BARD1: variants seen among roughly 807,000 people sequenced by gnomAD.
The protein encoded by BARD1 is BRCA1 associated RING domain 1, also known as BRCA1-associated RING domain protein 1.
Under a neutral mutation model 77.0 loss-of-function variants are expected in BARD1, and 73 were observed. That is an observed-to-expected ratio of 0.95 (90% CI 0.79 to 1.15). The LOEUF is 1.15. Among genes scored for constraint, BARD1 ranks in the 50% most tolerant of loss-of-function variants. The pLI is 0.00. For synonymous variants in BARD1, 384 were observed against 338.0 expected, an observed-to-expected ratio of 1.14 and a Z score of -1.49; for missense variants, 993 against 938.8, an observed-to-expected ratio of 1.06 and a Z score of -0.75.
chr2:214,769,730 G>A (rs1373528721), intron 4 of BARD1, among the ~76,000 whole-genome samples: 1 of 152,150 alleles, frequency 6.6e-6, no homozygotes, highest in Non-Finnish European at 1.5e-5. Context: ...CACAGAGCAA[G>A]ACTCCGTCTC....
intron 4 of BARD1, among the ~76,000 whole-genome samples, chr2:214,779,475 A>G (rs2106105140): frequency 6.6e-6 from 1 of 152,324 alleles, no homozygotes; most frequent in Admixed American, 6.5e-5. Flanking sequence ...ATAAACATAG[A>G]ATGCACAGAT....
At chr2:214,797,656 A>C (rs931483670) in intron 1 of BARD1, among the ~76,000 whole-genome samples, 1 of 152,316 alleles carries the variant, frequency 6.6e-6, no homozygotes, top group Admixed American at 6.5e-5. Context: ...TTTGACCGTA[A>C]GAATCCAAGG....
At position 214,786,262 on chromosome 2, in the gene BARD1, G is replaced by A. The variant is rs892997496; in HGVS notation, c.365-4753C>T. On this transcript the variant is annotated intron_variant, in intron 3 of 10. Transcript: ENST00000260947. ...TACAACATTATTTTCATTTTCTTAC[G>A]TTTTGGGGAATAAATTTCTTTTCAA... 1.1e-4 allele frequency among the ~76,000 whole-genome samples: 16 copies of A among 150,848 alleles called. 1 individual carries two copies. Among genetic ancestry groups the A allele is most frequent in the African/African-American group, 3.0e-4 (12 of 40,398 alleles).
intron 9 of BARD1, among the ~76,000 whole-genome samples, chr2:214,742,665 C>T (rs1226510677): frequency 3.3e-5 from 5 of 152,066 alleles, no homozygotes; most frequent in African/African-American, 7.2e-5. Flanking sequence ...AAAAACGACA[C>T]GGCCAAGATA....
intron 1 of BARD1, among the ~76,000 whole-genome samples, chr2:214,808,878 C>A (rs1165520452): frequency 6.6e-6 from 1 of 152,230 alleles, no homozygotes; most frequent in Non-Finnish European, 1.5e-5. Flanking sequence ...CAATCTACAA[C>A]TATGGTAGAT....
At chr2:214,799,284 G>A (rs1201742342) in intron 1 of BARD1, among the ~76,000 whole-genome samples, 1 of 152,090 alleles carries the variant, frequency 6.6e-6, no homozygotes, top group African/African-American at 2.4e-5. Context: ...CTGAGTGACA[G>A]AGCCAGACTC....
intron 10 of BARD1, among the ~76,000 whole-genome samples, chr2:214,729,993 T>C (rs1000874859): frequency 6.6e-6 from 1 of 152,182 alleles, no homozygotes; most frequent in African/African-American, 2.4e-5. Context: ...GTTTCATAAT[T>C]CCCTTCTATG....
rs977233920 is a variant in BARD1, at chr2:214,740,026, T to C, written c.1903+5041A>G. Among the ~76,000 whole-genome samples, 35 of 152,186 alleles carry C rather than the reference T, an allele frequency of 2.3e-4. 1 individual carries two copies. The South Asian group carries it at 6.2e-3, about 27-fold the overall frequency. Reference sequence around the variant, plus strand: ...ATAATATCAAAATATCAAAATAGTCTATCTCTTGTATTATGAATAATATCA... The same window carrying C: ...ATAATATCAAAATATCAAAATAGTCCATCTCTTGTATTATGAATAATATCA... On this transcript the variant is annotated intron_variant, in intron 9 of 10. Coordinates refer to ENST00000260947, the MANE Select transcript of BARD1 (RefSeq NM_000465.4).
At position 214,767,635 on chromosome 2, in the gene BARD1, C is replaced by G; in HGVS notation, c.1415G>C (p.Gly472Ala). Reference protein sequence around the residue: ...WTPLHEACNHGHLKVVELLLQ... With the variant: ...WTPLHEACNHAHLKVVELLLQ... ...CAATAATTCCACTACCTTCAGGTGC[C>G]CATGATTGCAAGCTTCATGCTAATT... Residue 472 changes from glycine (G) to alanine (A), a missense_variant, in exon 6 of 11, where the codon GGG (glycine) becomes GCG (alanine). Gly to Ala is a moderately conservative substitution (Grantham distance 60). Coordinates refer to ENST00000260947, the MANE Select transcript of BARD1 (RefSeq NM_000465.4). 1 of 1,613,596 alleles carries G rather than the reference C, an allele frequency of 6.2e-7. No individual in the cohort carries two copies. The highest frequency in any genetic ancestry group is 8.5e-7 in the Non-Finnish European group (1 of 1,179,850).
chr2:214,792,952 C>G (rs566562209), intron 2 of BARD1, among the ~76,000 whole-genome samples: 2 of 152,230 alleles, frequency 1.3e-5, no homozygotes, highest in African/African-American at 4.8e-5. Flanking sequence ...TATCTAAGGA[C>G]TAAAGTTTCA....
rs779468443 is a variant in BARD1 at position 214,767,552 on chromosome 2, C to T, written c.1498G>A (p.Asp500Asn). 15 of 1,613,882 alleles carry T rather than the reference C, an allele frequency of 9.3e-6. No individual in the cohort carries two copies. The highest frequency in any genetic ancestry group is 1.3e-5 in the Non-Finnish European group (15 of 1,179,940). The change falls in exon 6 of 11, where the codon GAT becomes AAT. Residue 500 changes from aspartate to asparagine, a missense_variant. Asp to Asn is a conservative substitution (Grantham distance 23, BLOSUM62 1). Transcript: ENST00000260947. ...TGYQNDSPLH[D>N]AAKNGHVDIV... ...TCCACATGCCCATTCTTGGCTGCAT[C>T]GTGAAGTGGTGAGTCATTTTGATAC... is the stretch of plus-strand genomic sequence containing the variant.
In BARD1 at chr2:214,780,656, T is replaced by A. The variant is rs757900534; in HGVS notation, c.1218A>T (p.Arg406=). ...TCATTGCTGAGGGACTAGACATCAC[T>A]CGCCTGTAACTTGAACTACTTAATG... ...PSTLSSSSYR[R]VMSSPSAMKL... The change falls in exon 4 of 11, where the codon CGA becomes CGT. Residue 406 remains arginine, a synonymous_variant. Transcript: ENST00000260947. 2.5e-6 allele frequency: 4 copies of A among 1,614,100 alleles called. No homozygotes were observed. The African/African-American group carries it at 5.3e-5, about 22-fold the overall frequency.
At position 214,752,452 on chromosome 2, in the gene BARD1, A is replaced by T. The variant is rs587782122; in HGVS notation, c.1672T>A (p.Ser558Thr). 4 of 1,606,006 alleles carry T rather than the reference A, an allele frequency of 2.5e-6. No homozygotes were observed. Among genetic ancestry groups the T allele is most frequent in the Non-Finnish European group, 2.6e-6 (3 of 1,172,780 alleles). ...AAAGCTAAATCCATACTTACTACTG[A>T]GCAGTGGCTAGCTGAGGATGATTCA... The part of the protein sequence containing the change: ...KNESSSASHC[S>T]VMNTGQRRDG... Residue 558 changes from serine to threonine, a missense_variant, in exon 7 of 11, where the codon TCA becomes ACA. By Grantham distance (58) the Ser-to-Thr change is moderately conservative (BLOSUM62 1). Coordinates refer to ENST00000260947, the MANE Select transcript of BARD1 (RefSeq NM_000465.4).
In BARD1 at chr2:214,738,704, G is replaced by A. The variant is rs117538984; in HGVS notation, c.1903+6363C>T. On this transcript the variant is annotated intron_variant, in intron 9 of 10. Coordinates refer to ENST00000260947, the MANE Select transcript of BARD1 (RefSeq NM_000465.4). ...ATCCACAGTTATACAAAAATGATGAGAGAATACAATGAAGATGGAAGAAAA... is the reference window on the plus strand; with the variant it reads ...ATCCACAGTTATACAAAAATGATGAAAGAATACAATGAAGATGGAAGAAAA... Among the ~76,000 whole-genome samples, 61 of 152,210 alleles carry A rather than the reference G, an allele frequency of 4.0e-4. 1 individual carries two copies. The East Asian group carries it at 0.011, about 27-fold the overall frequency.
chr2:214,804,443 T>C (rs1696173562), intron 1 of BARD1, among the ~76,000 whole-genome samples: 1 of 152,150 alleles, frequency 6.6e-6, no homozygotes, highest in South Asian at 2.1e-4. Context: ...GAGACAGACA[T>C]CACTCAAAAT....
intron 9 of BARD1, 51 bp downstream of exon 9, chr2:214,745,016 A>G (rs1693030506): frequency 1.3e-6 from 2 of 1,512,972 alleles, no homozygotes; most frequent in Non-Finnish European, 9.2e-7. Context: ...TAACCATGAA[A>G]AACAAAACTA....
chr2:214,748,236 A>G (rs1490642199), intron 7 of BARD1, among the ~76,000 whole-genome samples: 1 of 152,210 alleles, frequency 6.6e-6, no homozygotes, highest in African/African-American at 2.4e-5. Flanking sequence ...TCACAGTTAA[A>G]GAGTGCTATA....
At chr2:214,775,565 T>C (rs951409330) in intron 4 of BARD1, among the ~76,000 whole-genome samples, 1 of 152,054 alleles carries the variant, frequency 6.6e-6, no homozygotes, top group Admixed American at 6.6e-5. Flanking sequence ...ATTACCAAAA[T>C]GTGACACAGA....
At chr2:214,784,465 G>C (rs1695180017) in intron 3 of BARD1, among the ~76,000 whole-genome samples, 1 of 152,160 alleles carries the variant, frequency 6.6e-6, no homozygotes, top group Admixed American at 6.6e-5. Flanking sequence ...GGAAGACAGT[G>C]TGGCAATTCC....
Sources: allele counts gnomAD v4.1 joint callset (sites outside exome capture counted in the v4.1 genomes callset), GRCh38; gene constraint gnomAD v4.1.1; transcripts MANE v1.5; gene names NCBI Gene and HGNC (gene_info 2026-07-23, HGNC 2026-07-21).